The following SCART1 variants were observed in gnomAD, a reference collection of about 807,000 sequenced individuals.
SCART1 encodes the protein scavenger receptor family member expressed on T cells 1, also known as scavenger receptor cysteine-rich domain-containing protein SCART1.
SCART1 carries 62 observed loss-of-function variants against 36.2 expected under a neutral mutation model. The observed-to-expected ratio is 1.71, with a 90% CI of 1.40 to 2.12. The LOEUF (loss-of-function observed/expected upper bound fraction) is 2.12. Ranked by LOEUF, SCART1 falls within the 30% of genes most tolerant of loss-of-function variation. The pLI, the probability that SCART1 is intolerant of heterozygous loss-of-function variation, is 0.00. For synonymous variants in SCART1, 487 were observed against 238.7 expected (o/e 2.04, Z -9.59); for missense variants, 1,041 against 540.5 (o/e 1.93, Z -9.18).
exon 5 of SCART1, chr10:133,459,314 G>T: frequency 1.6e-6 from 1 of 643,448 alleles, no homozygotes; most frequent in Non-Finnish European, 2.8e-6. Flanking sequence ...CACAGCCTCC[G>T]CGGTCTGCTC....
At chr10:133,469,041 G>C (rs1589938276) in exon 12 of SCART1, 1 of 152,308 alleles carries the variant, frequency 6.6e-6, no homozygotes, top group Admixed American at 6.5e-5. Flanking sequence ...TCCAGCATCT[G>C]TTGTTTCCTG....
At chr10:133,468,273 A>G (rs186676128) in exon 12 of SCART1, 1 of 232,992 alleles carries the variant, frequency 4.3e-6, no homozygotes, top group Non-Finnish European at 8.3e-6. Context: ...TGCCATCTTC[A>G]TCTTCCGCTC....
intron 6 of SCART1, among the ~76,000 whole-genome samples, chr10:133,463,031 G>A (rs545933699): frequency 6.6e-6 from 1 of 152,234 alleles, no homozygotes; most frequent in South Asian, 2.1e-4. Flanking sequence ...AAGTATCCTG[G>A]TATAGGTATT....
chr10:133,465,745 C>T (rs1332122962), intron 9 of SCART1, 180 bp downstream of exon 9: 1 of 654,102 alleles, frequency 1.5e-6, no homozygotes, highest in East Asian at 2.7e-5. Flanking sequence ...GGGACATGCA[C>T]TCCCTGGGGT....
rs140482326 is a variant in SCART1, at chr10:133,456,556, T to C, written c.385+2T>C. The C allele has an allele frequency of 9.2e-6, 6 of 652,232 alleles. No homozygotes were observed. In the East Asian group the frequency reaches 1.6e-4, roughly 18 times the overall value. 40.4% of individuals were successfully genotyped at this position (652,232 alleles called of 1,614,324 possible). On this transcript the variant is annotated splice_donor_variant, in intron 2 of 11. Transcript: ENST00000640237. LOFTEE classifies it high-confidence loss of function. Reference sequence around the variant, plus strand: ...GGGTGGTGGTCGCGCTGTGCTCCAGTAAGTAGGGAGGAGTGAAGGGGACGG... The same window carrying C: ...GGGTGGTGGTCGCGCTGTGCTCCAGCAAGTAGGGAGGAGTGAAGGGGACGG...
At chr10:133,460,785 C>T (rs1348698193) in intron 6 of SCART1, among the ~76,000 whole-genome samples, 2 of 151,366 alleles carry the variant, frequency 1.3e-5, no homozygotes, top group African/African-American at 4.9e-5. Context: ...CTTGGTCAGG[C>T]TAGAGTGCAA....
At chr10:133,455,389 A>G (rs1279024675) in intron 1 of SCART1, among the ~76,000 whole-genome samples, 1 of 152,016 alleles carries the variant, frequency 6.6e-6, no homozygotes, top group Non-Finnish European at 1.5e-5. Context: ...AGGAGATTCA[A>G]GGCTCCCCAG....
At chr10:133,456,625 GAGGACGCA>G in intron 2 of SCART1, 71 bp downstream of exon 2, 1 of 601,614 alleles carries the variant, frequency 1.7e-6, no homozygotes, top group East Asian at 2.8e-5. Flanking sequence ...GGAGGACTGG[GAGGACGCA>G]GAGGAGGACT....
At chr10:133,457,362 G>A (rs994016667) in exon 3 of SCART1, 2 of 701,584 alleles carry the variant, frequency 2.9e-6, no homozygotes, top group Non-Finnish European at 2.6e-6. Flanking sequence ...GAATGGGGTG[G>A]ACCGCCTCTG....
chr10:133,457,010 C>A, intron 2 of SCART1: 1 of 546,800 alleles, frequency 1.8e-6, no homozygotes, highest in Non-Finnish European at 3.2e-6. Context: ...GCCTCTGAGG[C>A]TGAACCACCT....
chr10:133,456,651 TGGCGGGTCTCGGAGACG>T, intron 2 of SCART1, 97 bp downstream of exon 2: 1 of 583,096 alleles, frequency 1.7e-6, no homozygotes. Context: ...ACTGGGAGGA[TGGCGGGTCTCGGAGACG>T]GGCGGGGAGG....
chr10:133,460,196 A>C (rs564941521), intron 6 of SCART1, 26 bp downstream of exon 6: 2 of 462,076 alleles, frequency 4.3e-6, no homozygotes, highest in African/African-American at 4.1e-5. Flanking sequence ...GTATGGAATG[A>C]TCATGCTGTT....
chr10:133,457,159 C>T (rs1165882519), intron 2 of SCART1, 120 bp from the exon 3 acceptor site: 2 of 644,556 alleles, frequency 3.1e-6, no homozygotes, highest in South Asian at 1.7e-5. Flanking sequence ...TGCCCGGTCA[C>T]CTGCCCCTGA....
In SCART1 at chr10:133,459,336, GCCAGGACGGTGGA is replaced by G. The variant is rs1850664403; in HGVS notation, c.1285+17_1285+29del. ...TCCGCGGTCTGCTCAGGTGGGTGCA[GCCAGGACGGTGGA>G]CCAGGAGGGTGAGTGAGAGGCATGG... On this transcript the variant is annotated intron_variant, in intron 5 of 11. Coordinates refer to ENST00000640237, the Ensembl canonical transcript of SCART1. 1.6e-6 allele frequency: 1 copy of G among 626,698 alleles called. No individual in the cohort carries two copies. Among genetic ancestry groups the G allele is most frequent in the Non-Finnish European group, 2.9e-6 (1 of 346,428 alleles). 38.8% of individuals were successfully genotyped at this position (626,698 alleles called of 1,614,324 possible).
At chr10:133,457,891 AGGT>A in intron 3 of SCART1, 4 of 433,646 alleles carry the variant, frequency 9.2e-6, no homozygotes, top group Admixed American at 8.1e-5. Flanking sequence ...GGTTGGGTAG[AGGT>A]CACTTCTTCC....
intron 6 of SCART1, chr10:133,464,085 C>G: frequency 6.5e-6 from 1 of 153,190 alleles, no homozygotes; most frequent in Non-Finnish European, 1.5e-5. Context: ...AGCTTTCTAG[C>G]TTGTTTCACT....
chr10:133,464,491 C>G, intron 6 of SCART1, 115 bp from the exon 7 acceptor site: 1 of 600,042 alleles, frequency 1.7e-6, no homozygotes, highest in East Asian at 2.8e-5. Flanking sequence ...AAGCTCTATA[C>G]TGTTTCTATA....
exon 3 of SCART1, chr10:133,457,338 G>C: frequency 1.4e-6 from 1 of 700,032 alleles, no homozygotes. Context: ...GGGACTCCCC[G>C]AGATCAGAAA....
intron 6 of SCART1, among the ~76,000 whole-genome samples, chr10:133,460,496 A>ATATATATTTTTT: frequency 1.5e-5 from 2 of 136,006 alleles, no homozygotes; most frequent in South Asian, 2.7e-4. Context: ...ATATTTATAT[A>ATATATATTTTTT]TTTTAAAAAA....
Sources: gnomAD v4.1 joint callset for allele counts (sites outside exome capture counted in the v4.1 genomes callset) on GRCh38, gnomAD v4.1.1 for gene constraint, MANE v1.5 for transcripts, NCBI Gene and HGNC (gene_info 2026-07-23, HGNC 2026-07-21) for gene names.